The following POLR3A variants were observed in gnomAD, a reference collection of about 807,000 sequenced individuals.
The protein encoded by POLR3A is DNA-directed RNA polymerase III subunit RPC1.
In POLR3A, 112 loss-of-function variants were observed where a neutral mutation model predicts 152.8. The observed-to-expected ratio is 0.73, with a 90% CI of 0.63 to 0.86. POLR3A has a LOEUF of 0.86. Among genes scored for constraint, POLR3A ranks in the 40% least tolerant of loss-of-function variants. POLR3A has a pLI of 0.00. For synonymous variants in POLR3A, 615 were observed against 652.1 expected, an observed-to-expected ratio of 0.94 and a Z score of 0.87; for missense variants, 1,385 against 1,743.1, an observed-to-expected ratio of 0.79 and a Z score of 3.66.
intron 30 of POLR3A, among the ~76,000 whole-genome samples, chr10:77,979,408 A>T (rs1444074112): frequency 6.6e-6 from 1 of 152,210 alleles, no homozygotes; most frequent in Non-Finnish European, 1.5e-5. Context: ...CCAAGCCTGC[A>T]GGGTCTTCCT....
intron 11 of POLR3A, 58 bp from the exon 12 acceptor site, chr10:78,010,598 A>T: frequency 8.3e-7 from 1 of 1,200,530 alleles, no homozygotes; most frequent in Admixed American, 1.7e-5. Flanking sequence ...TGCAGCCCAA[A>T]GCCTGAATCA....
intron 19 of POLR3A, among the ~76,000 whole-genome samples, chr10:77,994,960 C>T (rs1012131926): frequency 2.0e-5 from 3 of 152,202 alleles, no homozygotes; most frequent in Admixed American, 2.0e-4. Flanking sequence ...AACAGCGGAT[C>T]TCTCGGCAGA....
At chr10:78,005,420 C>T (rs977633792) in intron 15 of POLR3A, among the ~76,000 whole-genome samples, 13 of 152,240 alleles carry the variant, frequency 8.5e-5, no homozygotes, top group Admixed American at 6.5e-4. Flanking sequence ...GCGCTCCAGC[C>T]TGGGCAACAG....
rs772436840 is a variant in POLR3A, at chr10:77,991,159, G to A, written c.2796C>T (p.Phe932=). The A allele has an allele frequency of 4.4e-6, 7 of 1,603,122 alleles. No individual in the cohort carries two copies. Among genetic ancestry groups the A allele is most frequent in the South Asian group, 2.2e-5 (2 of 90,818 alleles). The change falls in exon 21 of 31, where the codon TTC becomes TTT. Residue 932 remains phenylalanine, a synonymous_variant. Coordinates refer to ENST00000372371, the MANE Select transcript of POLR3A (RefSeq NM_007055.4). ...KRVLDNIKAV[F]PCPSEPALSK... ...TGAGAGCAGGCTCACTGGGACACGG[G>A]AAGACTGCCTTGAGTATTAAAAGAA...
In POLR3A at chr10:78,029,499, G is replaced by T; in HGVS notation, c.-92C>A. On this transcript the variant is annotated 5_prime_UTR_variant, in exon 1 of 31. Coordinates refer to ENST00000372371, the MANE Select transcript of POLR3A (RefSeq NM_007055.4). ...ACCTCCTGGGGCTGCTTCTGGACTC[G>T]CCGCTAACACATCTGCGGCATCCTC... The T allele has an allele frequency of 7.7e-7, 1 of 1,303,330 alleles. No individual in the cohort carries two copies. Among genetic ancestry groups the T allele is most frequent in the Non-Finnish European group, 1.1e-6 (1 of 906,902 alleles). The allele number at this position is 1,303,330 out of a possible 1,614,324, so 80.7% of individuals were successfully genotyped here. A position where few individuals can be genotyped will look rare whatever the true frequency, so the allele number is the denominator to read the frequency against.
At chr10:78,019,720 A>T in intron 8 of POLR3A, 1 of 202,330 alleles carries the variant, frequency 4.9e-6, no homozygotes, top group South Asian at 8.8e-5. Flanking sequence ...CATTTTGGAG[A>T]AGTTAACTCT....
At chr10:78,018,757 A>AT (rs1474373963) in intron 9 of POLR3A, among the ~76,000 whole-genome samples, 15 of 151,846 alleles carry the variant, frequency 9.9e-5, no homozygotes, top group Admixed American at 9.8e-4. Flanking sequence ...TAATTTTTGT[A>AT]TTTTTAGTAG....
At chr10:78,008,876 G>C (rs547067879) in intron 14 of POLR3A, among the ~76,000 whole-genome samples, 1 of 151,468 alleles carries the variant, frequency 6.6e-6, no homozygotes, top group South Asian at 2.1e-4. Flanking sequence ...ATCAATCCAG[G>C]CTGGGTGCAG....
Position 77,986,137 on chromosome 10 carries a change from C to A in POLR3A, c.2924G>T (p.Gly975Val). Residue 975 changes from glycine to valine, a missense_variant, in exon 22 of 31, where the codon GGG (glycine) becomes GTG (valine). By Grantham distance (109) the Gly-to-Val change is moderately radical. Coordinates refer to ENST00000372371, the MANE Select transcript of POLR3A (RefSeq NM_007055.4). ...FLQEIKKFIK[G>V]VSEKIKKTRD... Reference sequence around the variant, plus strand: ...GGTTTTCTTGATCTTCTCAGAGACCCCCTTAATGAATTTTTTTATTTCCTG... The same window carrying A: ...GGTTTTCTTGATCTTCTCAGAGACCACCTTAATGAATTTTTTTATTTCCTG... 6.4e-7 allele frequency: 1 copy of A among 1,574,410 alleles called. No homozygotes were observed. The highest frequency in any genetic ancestry group is 8.7e-7 in the Non-Finnish European group (1 of 1,143,976).
Position 78,007,800 on chromosome 10 carries a change from G to T in POLR3A, c.1976C>A (p.Ser659Tyr). The T allele has an allele frequency of 6.2e-7, 1 of 1,613,820 alleles. No individual in the cohort carries two copies. Among genetic ancestry groups the T allele is most frequent in the Admixed American group, 1.7e-5 (1 of 60,006 alleles). Reference protein sequence around the residue: ...SMDKGTLGSGSKNNIFYILLR... With the variant: ...SMDKGTLGSGYKNNIFYILLR... ...CAAAATGTAAAAAATATTGTTCTTG[G>T]ATCCTGACCCTAGGGTTCCTTTGTC... Residue 659 changes from serine (S) to tyrosine (Y), a missense_variant, in exon 15 of 31, where the codon TCC becomes TAC. Coordinates refer to ENST00000372371, the MANE Select transcript of POLR3A (RefSeq NM_007055.4).
At chr10:78,018,976 T>C (rs1462575814) in intron 9 of POLR3A, among the ~76,000 whole-genome samples, 186 bp downstream of exon 9, 1 of 152,186 alleles carries the variant, frequency 6.6e-6, no homozygotes, top group Non-Finnish European at 1.5e-5. Flanking sequence ...GAGCACTTCA[T>C]GTATATTCAA....
At chr10:78,016,410 TAA>T (rs548574588) in intron 10 of POLR3A, among the ~76,000 whole-genome samples, 16 of 92,062 alleles carry the variant, frequency 1.7e-4, no homozygotes, top group Admixed American at 2.4e-4. Context: ...CTCCACTTAT[TAA>T]AAAAAAAAAA....
At chr10:78,025,387 TTAC>T (rs778242866) in intron 3 of POLR3A, among the ~76,000 whole-genome samples, 1 of 152,246 alleles carries the variant, frequency 6.6e-6, no homozygotes, top group African/African-American at 2.4e-5. Context: ...ATTGTTTGAA[TTAC>T]TACTATTGTT....
At position 77,981,866 on chromosome 10, in the gene POLR3A, T is replaced by G. The variant is rs767056806; in HGVS notation, c.3759+288A>C. Among the ~76,000 whole-genome samples the G allele has an allele frequency of 0.058, 1,716 of 29,440 alleles. 21 individuals are homozygous for G. Among genetic ancestry groups the G allele is most frequent in the Middle Eastern group, 0.13 (7 of 54 alleles). The allele number at this position is 29,440 out of a possible 152,430, so 19.3% of individuals were successfully genotyped here. A position where few individuals can be genotyped will look rare whatever the true frequency, so the allele number is the denominator to read the frequency against. The stretch of plus-strand genomic sequence containing the variant: ...GGTGAAACCCCATTTCTACTAAAAA[T>G]ACAAAAAAAAAAAAAAAAAAAAATT... On this transcript the variant is annotated intron_variant, in intron 28 of 30. Coordinates refer to ENST00000372371, the MANE Select transcript of POLR3A (RefSeq NM_007055.4).
intron 9 of POLR3A, among the ~76,000 whole-genome samples, chr10:78,018,910 T>A (rs1847551275): frequency 6.6e-6 from 1 of 152,200 alleles, no homozygotes; most frequent in Non-Finnish European, 1.5e-5. Flanking sequence ...TAGACTTTAG[T>A]ATCCATGGTA....
intron 10 of POLR3A, among the ~76,000 whole-genome samples, chr10:78,014,841 G>A (rs986505929): frequency 5.9e-5 from 9 of 152,056 alleles, no homozygotes; most frequent in African/African-American, 2.2e-4. Flanking sequence ...TGCACCTCTG[G>A]GCAAGCAAAC....
rs777514959 is a variant in POLR3A at position 78,025,607 on chromosome 10, C to T, written c.318+15G>A. 9.3e-6 allele frequency: 15 copies of T among 1,613,716 alleles called. No individual in the cohort carries two copies. In the African/African-American group the frequency reaches 2.0e-4, roughly 22 times the overall value. On this transcript the variant is annotated intron_variant, in intron 3 of 30. Coordinates refer to ENST00000372371, the MANE Select transcript of POLR3A (RefSeq NM_007055.4). ...CCAGAATTTATGTCTTGGAAATCAG[C>T]ACCTGTGTGCTTACCTGTAAGATGC...
chr10:78,004,384 G>A (rs904686036), intron 16 of POLR3A, among the ~76,000 whole-genome samples: 3 of 152,202 alleles, frequency 2.0e-5, no homozygotes, highest in Non-Finnish European at 2.9e-5. Flanking sequence ...GGACCTGAGT[G>A]TGCCACCAGA....
rs148659542 is a variant in POLR3A at position 78,021,561 on chromosome 10, T to G, written c.1170A>C (p.Leu390=). Residue 390 remains leucine, a synonymous_variant, in exon 8 of 31, where the codon CTA becomes CTC. Transcript: ENST00000372371. Reference sequence around the variant, plus strand: ...GGTCACTTACCTTCTCAGGAAAAGTTAGAATTTTGGCCACATGAACTGGCA... The same window carrying G: ...GGTCACTTACCTTCTCAGGAAAAGTGAGAATTTTGGCCACATGAACTGGCA... The part of the protein sequence containing the change: ...VAVPVHVAKI[L]TFPEKVNKAN... 2 of 1,614,044 alleles carry G rather than the reference T, an allele frequency of 1.2e-6. No individual in the cohort carries two copies. The highest frequency in any genetic ancestry group is 1.7e-6 in the Non-Finnish European group (2 of 1,179,952).
Sources: gnomAD v4.1 joint callset for allele counts (sites outside exome capture counted in the v4.1 genomes callset) on GRCh38, gnomAD v4.1.1 for gene constraint, MANE v1.5 for transcripts, NCBI Gene and HGNC (gene_info 2026-07-23, HGNC 2026-07-21) for gene names.